The following TMEM131 variants were observed in gnomAD, a reference collection of about 807,000 sequenced individuals.
TMEM131 encodes 2610524E03Rik.
In TMEM131, 66 loss-of-function variants were observed where a neutral mutation model predicts 211.6. The observed-to-expected ratio is 0.31, with a 90% CI of 0.26 to 0.38. The LOEUF (loss-of-function observed/expected upper bound fraction) is 0.38, where lower values mean the gene tolerates loss of function less well. TMEM131 is among the 10% of genes least tolerant of loss of function. The probability of loss-of-function intolerance (pLI) is 1.00; values close to 1 mark genes in which losing one functional copy is unlikely to be tolerated. For synonymous variants in TMEM131, 844 were observed against 841.3 expected, an observed-to-expected ratio of 1.00 and a Z score of -0.06; for missense variants, 2,036 against 2,299.3, an observed-to-expected ratio of 0.89 and a Z score of 2.34.
At chr2:97,941,829 G>A (rs886391210) in intron 1 of TMEM131, among the ~76,000 whole-genome samples, 16 of 152,260 alleles carry the variant, frequency 1.1e-4, no homozygotes, top group Admixed American at 2.0e-4. Flanking sequence ...GAAACAATAG[G>A]TGCTGGAGAG....
chr2:97,775,205 G>A (rs996074753), intron 32 of TMEM131, among the ~76,000 whole-genome samples: 12 of 152,142 alleles, frequency 7.9e-5, no homozygotes, highest in Non-Finnish European at 1.3e-4. Context: ...CACTGGACCC[G>A]ACACTTTGCA....
chr2:97,906,913 T>C (rs1449025521), intron 3 of TMEM131, among the ~76,000 whole-genome samples: 1 of 152,198 alleles, frequency 6.6e-6, no homozygotes, highest in East Asian at 1.9e-4. Flanking sequence ...AATAGATAAG[T>C]AGAGCATGAG....
intron 1 of TMEM131, among the ~76,000 whole-genome samples, chr2:97,943,881 A>C (rs1677913082): frequency 6.6e-6 from 1 of 152,128 alleles, no homozygotes; most frequent in Non-Finnish European, 1.5e-5. Context: ...CAAGAGATCA[A>C]GACCATCCTG....
chr2:97,805,285 GAC>G, intron 21 of TMEM131, 80 bp from the exon 22 acceptor site: 1 of 1,558,104 alleles, frequency 6.4e-7, no homozygotes, highest in Admixed American at 1.9e-5. Context: ...AGTAACAAAA[GAC>G]AGCAATGTAC....
chr2:97,812,843 T>G (rs115920274), intron 15 of TMEM131, 94 bp from the exon 16 acceptor site: 15 of 680,652 alleles, frequency 2.2e-5, no homozygotes, highest in Non-Finnish European at 9.3e-6. Flanking sequence ...TGTATTAAAG[T>G]TCCCCCCAAA....
rs370967376 is a variant in TMEM131, at chr2:97,796,872, C to A, written c.2985G>T (p.Thr995=). The stretch of plus-strand genomic sequence containing the variant: ...CTGTACAATCTTTTAACAATGCTTC[C>A]GTGATTTTAAAGCGTAAGGAGCTTC... The part of the protein sequence containing the change: ...GPGSSLRFKI[T]EALLKDCTDS... The change falls in exon 27 of 41, where the codon ACG becomes ACT. Residue 995 remains threonine (T), a synonymous_variant. Transcript: ENST00000186436. 1.2e-6 allele frequency: 2 copies of A among 1,613,852 alleles called. No individual in the cohort carries two copies. The highest frequency in any genetic ancestry group is 1.7e-6 in the Non-Finnish European group (2 of 1,179,826).
chr2:97,887,364 G>A (rs1270109980), intron 4 of TMEM131, among the ~76,000 whole-genome samples: 2 of 152,170 alleles, frequency 1.3e-5, no homozygotes, highest in Non-Finnish European at 2.9e-5. Flanking sequence ...TCTGCCGGTG[G>A]TTGCCCACAG....
chr2:97,944,166 C>T (rs1250774906), intron 1 of TMEM131, among the ~76,000 whole-genome samples: 2 of 152,240 alleles, frequency 1.3e-5, no homozygotes, highest in Non-Finnish European at 1.5e-5. Context: ...AACAAACCCT[C>T]GCATTTATGG....
chr2:97,875,882 G>A (rs955042761), intron 4 of TMEM131, among the ~76,000 whole-genome samples: 6 of 152,156 alleles, frequency 3.9e-5, no homozygotes, highest in African/African-American at 1.4e-4. Flanking sequence ...CAGAACTGAA[G>A]GAGATAGAGA....
At chr2:97,837,032 G>A (rs776389306) in intron 8 of TMEM131, 45 bp downstream of exon 8, 9 of 1,459,792 alleles carry the variant, frequency 6.2e-6, no homozygotes, top group African/African-American at 2.8e-5. Flanking sequence ...AAGAATAATC[G>A]GTTTCATGGG....
intron 31 of TMEM131, among the ~76,000 whole-genome samples, chr2:97,778,880 T>C (rs191398343): frequency 1.3e-5 from 2 of 152,190 alleles, no homozygotes; most frequent in Non-Finnish European, 2.9e-5. Context: ...TTTCTCTTTT[T>C]CCTTTACATT....
intron 5 of TMEM131, among the ~76,000 whole-genome samples, chr2:97,848,737 G>T (rs1384073542): frequency 6.6e-6 from 1 of 152,026 alleles, no homozygotes; most frequent in Admixed American, 6.6e-5. Flanking sequence ...GAAAATCTTT[G>T]TGACTTTGGA....
chr2:97,877,192 AG>A (rs1262808584), intron 4 of TMEM131, among the ~76,000 whole-genome samples: 14 of 152,246 alleles, frequency 9.2e-5, no homozygotes, highest in Non-Finnish European at 1.8e-4. Context: ...CCACTGCTCA[AG>A]GAAATTAAGA....
At chr2:97,941,404 A>T (rs1269002248) in intron 1 of TMEM131, among the ~76,000 whole-genome samples, 1 of 152,266 alleles carries the variant, frequency 6.6e-6, no homozygotes, top group Non-Finnish European at 1.5e-5. Context: ...CATTCAGGAC[A>T]TAGGCATGGG....
At chr2:97,863,318 T>C (rs976006660) in intron 4 of TMEM131, among the ~76,000 whole-genome samples, 6 of 152,166 alleles carry the variant, frequency 3.9e-5, no homozygotes, top group Non-Finnish European at 8.8e-5. Flanking sequence ...TTAGCATCTC[T>C]CCAGGACGTT....
intron 1 of TMEM131, among the ~76,000 whole-genome samples, chr2:97,977,771 T>A (rs1459414068): frequency 6.6e-6 from 1 of 151,854 alleles, no homozygotes; most frequent in East Asian, 1.9e-4. Context: ...TGCTGAAGGG[T>A]GGGGTGGCTG....
intron 35 of TMEM131, chr2:97,762,921 C>G (rs947609529): frequency 3.3e-5 from 5 of 152,092 alleles, no homozygotes; most frequent in African/African-American, 1.2e-4. Flanking sequence ...ATATGTATAC[C>G]TTTTATCAGA....
In TMEM131 at chr2:97,995,491, G is replaced by C. The variant is rs542890850; in HGVS notation, c.172C>G (p.Arg58Gly). ...LVMTLVVAAARAEKEAFVQSE... is the reference protein window; with the variant it reads ...LVMTLVVAAAGAEKEAFVQSE... ...GGACACCCACCTTCCTTCTCGGCCC[G>C]CGCCGCAGCCACTACGAGGGTCATC... The change falls in exon 1 of 41, where the codon CGG becomes GGG. Residue 58 changes from arginine (R) to glycine (G), a missense_variant. This residue lies in a region of TMEM131 where 136 missense variants were observed against 115.4 expected (regional missense o/e 1.18). Coordinates refer to ENST00000186436, the MANE Select transcript of TMEM131 (RefSeq NM_015348.2). 1 of 1,409,910 alleles carries C rather than the reference G, an allele frequency of 7.1e-7. No homozygotes were observed. The highest frequency in any genetic ancestry group is 1.5e-5 in the African/African-American group (1 of 66,824). 87.3% of individuals were successfully genotyped at this position (1,409,910 alleles called of 1,614,324 possible).
chr2:97,901,256 T>C (rs182939695), intron 3 of TMEM131, among the ~76,000 whole-genome samples: 40 of 152,322 alleles, frequency 2.6e-4, no homozygotes, highest in African/African-American at 9.6e-4. Flanking sequence ...TTGTTGCTTA[T>C]GCTTTTGAGA....
Sources: gnomAD v4.1 joint callset for allele counts (sites outside exome capture counted in the v4.1 genomes callset) on GRCh38, gnomAD v4.1.1 for gene constraint, gnomAD v4.1.1 regional missense constraint, MANE v1.5 for transcripts, NCBI Gene and HGNC (gene_info 2026-07-23, HGNC 2026-07-21) for gene names.